Variants in PCSK2 observed in about 807,000 individuals in gnomAD.
PCSK2 encodes the protein neuroendocrine convertase 2.
Under a neutral mutation model 69.7 loss-of-function variants are expected in PCSK2, and 14 were observed. The ratio of observed to expected loss-of-function variants is 0.20; its 90% CI spans 0.13 to 0.31. PCSK2 has a LOEUF of 0.31. Among genes scored for constraint, PCSK2 ranks in the 10% least tolerant of loss-of-function variants. The probability of loss-of-function intolerance (pLI) is 1.00; values close to 1 mark genes in which losing one functional copy is unlikely to be tolerated. For missense variants in PCSK2, 544 were observed against 842.5 expected (o/e 0.65, Z 4.39); for synonymous variants, 307 against 320.7 (o/e 0.96, Z 0.46).
At chr20:17,478,971 A>G (rs2033341326) in intron 11 of PCSK2, 2 of 643,432 alleles carry the variant, frequency 3.1e-6, no homozygotes, top group Non-Finnish European at 5.5e-6. Context: ...TTTTGTTGAT[A>G]GCTTTAAAGT....
At chr20:17,461,277 T>C (rs2033010306) in intron 10 of PCSK2, among the ~76,000 whole-genome samples, 1 of 152,184 alleles carries the variant, frequency 6.6e-6, no homozygotes, top group Non-Finnish European at 1.5e-5. Context: ...AAATACCAGC[T>C]TGACTCACAA....
intron 4 of PCSK2, among the ~76,000 whole-genome samples, chr20:17,368,892 C>A (rs1436128980): frequency 6.6e-6 from 1 of 152,230 alleles, no homozygotes; most frequent in Non-Finnish European, 1.5e-5. Context: ...ATAATAATCA[C>A]TTTTCCTCCC....
intron 2 of PCSK2, among the ~76,000 whole-genome samples, chr20:17,269,339 G>A (rs1337192315): frequency 6.6e-6 from 1 of 152,234 alleles, no homozygotes; most frequent in African/African-American, 2.4e-5. Context: ...AAGTCAAAGA[G>A]ATAACTGGGG....
intron 8 of PCSK2, among the ~76,000 whole-genome samples, chr20:17,445,900 G>T (rs556046705): frequency 6.6e-6 from 1 of 152,208 alleles, no homozygotes; most frequent in East Asian, 1.9e-4. Context: ...TAAGAGAAAA[G>T]TCTGGTGGGT....
intron 11 of PCSK2, among the ~76,000 whole-genome samples, chr20:17,470,573 G>A (rs888323006): frequency 1.3e-5 from 2 of 152,162 alleles, no homozygotes; most frequent in Non-Finnish European, 1.5e-5. Context: ...AAGCCTAAAG[G>A]CAGCCTTGGG....
At chr20:17,248,018 C>T (rs1350780079) in intron 1 of PCSK2, among the ~76,000 whole-genome samples, 2 of 152,152 alleles carry the variant, frequency 1.3e-5, no homozygotes, top group East Asian at 3.8e-4. Context: ...TTTCTAAAAA[C>T]TCTGCAAGTC....
At chr20:17,390,627 T>C (rs1340993724) in intron 5 of PCSK2, among the ~76,000 whole-genome samples, 1 of 152,210 alleles carries the variant, frequency 6.6e-6, no homozygotes, top group Non-Finnish European at 1.5e-5. Flanking sequence ...CTCCAATCGC[T>C]GTACACTCTA....
upstream of PCSK2, chr20:17,226,859 G>GCCGGGCCGGT (rs1985924531): frequency 7.1e-6 from 1 of 140,384 alleles, no homozygotes; most frequent in African/African-American, 2.6e-5. Flanking sequence ...GCCGGGCCGG[G>GCCGGGCCGGT]CCGGGGGTGG....
chr20:17,300,407 C>G (rs1400067013), intron 2 of PCSK2, among the ~76,000 whole-genome samples: 3 of 152,204 alleles, frequency 2.0e-5, no homozygotes, highest in Admixed American at 1.3e-4. Context: ...CCCAGAGGTC[C>G]TTGCCCATTC....
At chr20:17,333,281 T>C (rs377092159) in intron 2 of PCSK2, among the ~76,000 whole-genome samples, 2 of 152,220 alleles carry the variant, frequency 1.3e-5, no homozygotes, top group East Asian at 1.9e-4. Flanking sequence ...GAAGAGTATG[T>C]AGGAATTCTA....
Position 17,482,154 on chromosome 20 carries a change from A to G in PCSK2, c.*84A>G. On this transcript the variant is annotated 3_prime_UTR_variant, in exon 12 of 12. Coordinates refer to ENST00000262545, the MANE Select transcript of PCSK2 (RefSeq NM_002594.5). Reference sequence around the variant, plus strand: ...CCACGTTTCAGGCAGGCACCTAGCAATTCCATCACCCGTACAGGCAATTCC... The same window carrying G: ...CCACGTTTCAGGCAGGCACCTAGCAGTTCCATCACCCGTACAGGCAATTCC... The G allele has an allele frequency of 7.7e-7, 1 of 1,298,856 alleles. No homozygotes were observed. Among genetic ancestry groups the G allele is most frequent in the Non-Finnish European group, 1.0e-6 (1 of 961,622 alleles). The allele number at this position is 1,298,856 out of a possible 1,614,324, so 80.5% of individuals were successfully genotyped here. A position where few individuals can be genotyped will look rare whatever the true frequency, so the allele number is the denominator to read the frequency against.
At chr20:17,416,051 A>C (rs1246296642) in intron 6 of PCSK2, among the ~76,000 whole-genome samples, 1 of 152,246 alleles carries the variant, frequency 6.6e-6, no homozygotes, top group Non-Finnish European at 1.5e-5. Context: ...CTTAAATGTT[A>C]GACCTAAAAC....
chr20:17,337,769 TG>T (rs779905123), intron 2 of PCSK2, among the ~76,000 whole-genome samples: 116 of 151,108 alleles, frequency 7.7e-4, no homozygotes, highest in Non-Finnish European at 1.4e-3. Context: ...TTAAAAAAAA[TG>T]TTTTTTTAAT....
At chr20:17,430,099 C>A (rs1239582611) in intron 7 of PCSK2, among the ~76,000 whole-genome samples, 1 of 152,174 alleles carries the variant, frequency 6.6e-6, no homozygotes, top group Non-Finnish European at 1.5e-5. Context: ...CTGCCTAGAA[C>A]CTTTTTCTTA....
intron 1 of PCSK2, among the ~76,000 whole-genome samples, chr20:17,237,957 A>G (rs1256378816): frequency 1.3e-5 from 2 of 152,224 alleles, no homozygotes; most frequent in Admixed American, 1.3e-4. Flanking sequence ...GAGTTACTCC[A>G]GGCTGATGTT....
intron 5 of PCSK2, among the ~76,000 whole-genome samples, chr20:17,387,627 C>A (rs910304318): frequency 6.6e-6 from 1 of 152,152 alleles, no homozygotes; most frequent in African/African-American, 2.4e-5. Flanking sequence ...GCTACAATAT[C>A]TTTTACGATC....
intron 5 of PCSK2, among the ~76,000 whole-genome samples, chr20:17,380,657 G>T (rs756739805): frequency 6.6e-6 from 1 of 152,120 alleles, no homozygotes; most frequent in South Asian, 2.1e-4. Flanking sequence ...ATAAGCATTC[G>T]ATGTTGTTAA....
At position 17,442,939 on chromosome 20, in the gene PCSK2, C is replaced by T. The variant is rs552442186; in HGVS notation, c.885+6056C>T. On this transcript the variant is annotated intron_variant, in intron 8 of 11. Transcript: ENST00000262545. ...TTCATGAGTCTGGAAGTTCCCTTTG[C>T]GAAGTGGAAAAGCTGGAGGAAAAAC... Among the ~76,000 whole-genome samples, 137 of 151,192 alleles carry T rather than the reference C, an allele frequency of 9.1e-4. No homozygotes were observed. The South Asian group carries it at 0.014, about 15-fold the overall frequency.
chr20:17,427,605 T>C (rs1232847696), intron 6 of PCSK2, among the ~76,000 whole-genome samples: 1 of 152,158 alleles, frequency 6.6e-6, no homozygotes, highest in East Asian at 1.9e-4. Context: ...TATTCCAGAA[T>C]TCAGTAGCTT....
Sources: allele counts gnomAD v4.1 joint callset (sites outside exome capture counted in the v4.1 genomes callset), GRCh38; gene constraint gnomAD v4.1.1; transcripts MANE v1.5; gene names NCBI Gene and HGNC (gene_info 2026-07-23, HGNC 2026-07-21).